Variants in MFAP3L observed in about 807,000 individuals in gnomAD.
MFAP3L encodes microfibrillar-associated protein 3-like.
Under a neutral mutation model 20.0 loss-of-function variants are expected in MFAP3L, and 5 were observed. That is an observed-to-expected ratio of 0.25 (90% CI 0.13 to 0.53). MFAP3L has a LOEUF of 0.53. MFAP3L is among the 20% of genes least tolerant of loss of function. The probability of loss-of-function intolerance (pLI) is 0.96; values close to 1 mark genes in which losing one functional copy is unlikely to be tolerated. For synonymous variants in MFAP3L, 219 were observed against 213.0 expected (o/e 1.03, Z -0.25); for missense variants, 409 against 527.5 (o/e 0.78, Z 2.20).
At chr4:170,013,986 T>A (rs1310115804) in intron 1 of MFAP3L, among the ~76,000 whole-genome samples, 1 of 152,210 alleles carries the variant, frequency 6.6e-6, no homozygotes, top group African/African-American at 2.4e-5. Context: ...CAGGGGCCTT[T>A]ATGCTGCCAG....
intron 1 of MFAP3L, among the ~76,000 whole-genome samples, chr4:170,024,455 A>G (rs146292365): frequency 6.6e-6 from 1 of 152,278 alleles, no homozygotes; most frequent in East Asian, 1.9e-4. Flanking sequence ...AGGATATGAG[A>G]CCTGCTGTTC....
At chr4:170,003,199 G>GA (rs1219683832) in intron 2 of MFAP3L, among the ~76,000 whole-genome samples, 39 of 152,278 alleles carry the variant, frequency 2.6e-4, no homozygotes, top group African/African-American at 8.9e-4. Flanking sequence ...TTTAAAACTT[G>GA]AAAGTTTTAA....
Position 169,991,557 on chromosome 4 carries a change from C to T in MFAP3L, c.1051G>A (p.Glu351Lys). Residue 351 changes from glutamate (E) to lysine (K), a missense_variant, in exon 3 of 3, where the codon GAA (glutamate) becomes AAA (lysine). Physicochemically the swap from Glu to Lys is moderately conservative, Grantham distance 56. Coordinates refer to ENST00000361618, the MANE Select transcript of MFAP3L (RefSeq NM_021647.8). This position sits in a 1 kb window ranked among gnomAD's most constrained non-coding sequence, Gnocchi z 4.9. Reference sequence around the variant, plus strand: ...GGTTCTGCAGTTTCGGGGGAATGTTCCGCCGACAGTTCTGTCTCCTCTACA... The same window carrying T: ...GGTTCTGCAGTTTCGGGGGAATGTTTCGCCGACAGTTCTGTCTCCTCTACA... ...KDVEETELSA[E>K]HSPETAEPST... The T allele has an allele frequency of 6.2e-7, 1 of 1,614,116 alleles. No individual in the cohort carries two copies. The highest frequency in any genetic ancestry group is 8.5e-7 in the Non-Finnish European group (1 of 1,180,036).
intron 1 of MFAP3L, among the ~76,000 whole-genome samples, chr4:170,012,587 G>A (rs1444591337): frequency 6.6e-6 from 1 of 152,112 alleles, no homozygotes. Flanking sequence ...CTGGCTGATG[G>A]AGGGTGTTGT....
intron 2 of MFAP3L, among the ~76,000 whole-genome samples, chr4:169,999,726 C>T (rs6844227): frequency 0.64 from 97,151 of 152,084 alleles, 33,896 homozygotes; most frequent in East Asian, 0.95. Context: ...ACACAAATGG[C>T]GGTTACCAGG....
intron 2 of MFAP3L, among the ~76,000 whole-genome samples, chr4:169,996,774 G>A (rs182362780): frequency 1.3e-5 from 2 of 152,042 alleles, no homozygotes; most frequent in Non-Finnish European, 2.9e-5. Context: ...AGGAGACCTG[G>A]AGCCCCGCCT....
chr4:170,015,050 A>G (rs991181535), intron 1 of MFAP3L, among the ~76,000 whole-genome samples: 25 of 152,220 alleles, frequency 1.6e-4, no homozygotes, highest in African/African-American at 5.3e-4. Context: ...TGAGATTTTA[A>G]TACAGCAAAT....
At chr4:169,995,209 T>C (rs1211603363) in intron 2 of MFAP3L, 1 of 152,194 alleles carries the variant, frequency 6.6e-6, no homozygotes, top group Non-Finnish European at 1.5e-5. Flanking sequence ...TAAAACATAC[T>C]ATTACCAGAC....
At chr4:170,026,420 T>G, upstream of MFAP3L, 1 of 387,348 alleles carries the variant, frequency 2.6e-6, no homozygotes, top group Non-Finnish European at 3.5e-6. Context: ...GCTTCCCACC[T>G]ACAGGAGCCT....
At chr4:169,997,437 C>CAAA (rs1738261004) in intron 2 of MFAP3L, among the ~76,000 whole-genome samples, 1 of 151,990 alleles carries the variant, frequency 6.6e-6, no homozygotes, top group Non-Finnish European at 1.5e-5. Context: ...CTTAATGACT[C>CAAA]TAAAACATAA....
In MFAP3L at chr4:169,986,982, T is replaced by C. The variant is rs528530206; in HGVS notation, c.*4396A>G. The stretch of plus-strand genomic sequence containing the variant: ...AACTATTTACTTTCTATTTTTACAT[T>C]CTCTAGCTTCAATTTTGATTGTAGT... On this transcript the variant is annotated 3_prime_UTR_variant, in exon 3 of 3. Transcript: ENST00000361618. The C allele has an allele frequency of 2.0e-5, 3 of 152,324 alleles. No homozygotes were observed. Among genetic ancestry groups the C allele is most frequent in the Admixed American group, 2.0e-4 (3 of 15,296 alleles). 9.4% of individuals were successfully genotyped at this position (152,324 alleles called of 1,614,324 possible). A position where few individuals can be genotyped will look rare whatever the true frequency, so the allele number is the denominator to read the frequency against.
chr4:170,005,395 A>AG, intron 2 of MFAP3L, 185 bp downstream of exon 2: 1 of 706,094 alleles, frequency 1.4e-6, no homozygotes, highest in Non-Finnish European at 2.3e-6. Flanking sequence ...TGTGTCAATG[A>AG]GGGAAAAAAA....
At chr4:170,023,403 AG>A (rs758185283) in intron 1 of MFAP3L, among the ~76,000 whole-genome samples, 61 of 152,348 alleles carry the variant, frequency 4.0e-4, no homozygotes, top group Non-Finnish European at 7.5e-4. Flanking sequence ...ATACATTCAC[AG>A]GACTTCTGTT....
chr4:169,994,456 T>C (rs1345384253), intron 2 of MFAP3L: 1 of 982,808 alleles, frequency 1.0e-6, no homozygotes, highest in Non-Finnish European at 1.2e-6. Flanking sequence ...GTGATCATTA[T>C]GTTCTAATTG....
At chr4:170,015,178 C>T (rs1739620487) in intron 1 of MFAP3L, among the ~76,000 whole-genome samples, 1 of 152,118 alleles carries the variant, frequency 6.6e-6, no homozygotes, top group Non-Finnish European at 1.5e-5. Context: ...GGATTAAGAC[C>T]CACAAGCTGG....
At chr4:170,010,420 G>GT (rs1344976012) in intron 1 of MFAP3L, among the ~76,000 whole-genome samples, 3 of 152,032 alleles carry the variant, frequency 2.0e-5, no homozygotes, top group Non-Finnish European at 4.4e-5. Context: ...TTACATGCAG[G>GT]TTTTTTCTTT....
chr4:169,998,206 C>T (rs1738339454), intron 2 of MFAP3L, among the ~76,000 whole-genome samples: 1 of 152,196 alleles, frequency 6.6e-6, no homozygotes, highest in Non-Finnish European at 1.5e-5. Flanking sequence ...GGCCCAATGT[C>T]TCCTCAATAG....
chr4:170,026,073 C>G (rs370939718), intron 1 of MFAP3L, among the ~76,000 whole-genome samples, 161 bp downstream of exon 1: 2 of 151,916 alleles, frequency 1.3e-5, no homozygotes, highest in African/African-American at 4.8e-5. Context: ...GCCCGCTGCC[C>G]GGACCCTGCG....
rs72972985 is a variant in MFAP3L at position 170,021,730 on chromosome 4, T to C, written c.-134+4504A>G. 4.1e-3 allele frequency among the ~76,000 whole-genome samples: 623 copies of C among 152,288 alleles called. 8 individuals are homozygous for C. The highest frequency in any genetic ancestry group is 0.013 in the African/African-American group (553 of 41,552). ...CAAGAGACAACACATTTTTGCAAGGTAGATATTGAGGCCTTGTACATAAGA... is the reference window on the plus strand; with the variant it reads ...CAAGAGACAACACATTTTTGCAAGGCAGATATTGAGGCCTTGTACATAAGA... On this transcript the variant is annotated intron_variant, in intron 1 of 2. Coordinates refer to ENST00000361618, the MANE Select transcript of MFAP3L (RefSeq NM_021647.8).
Sources: allele counts gnomAD v4.1 joint callset (sites outside exome capture counted in the v4.1 genomes callset), GRCh38; gene constraint gnomAD v4.1.1; non-coding constraint Gnocchi (gnomAD v3.1); transcripts MANE v1.5; gene names NCBI Gene and HGNC (gene_info 2026-07-23, HGNC 2026-07-21).